MYOF: variants seen among roughly 807,000 people sequenced by gnomAD.
The protein encoded by MYOF is myoferlin.
Under a neutral mutation model 284.2 loss-of-function variants are expected in MYOF, and 244 were observed. The ratio of observed to expected loss-of-function variants is 0.86; its 90% CI spans 0.77 to 0.95. The LOEUF is 0.95. MYOF is among the 40% of genes least tolerant of loss of function. The probability of loss-of-function intolerance (pLI) is 0.00; values close to 1 mark genes in which losing one functional copy is unlikely to be tolerated. For synonymous variants in MYOF, 904 were observed against 919.7 expected (o/e 0.98, Z 0.31); for missense variants, 2,496 against 2,560.6 (o/e 0.97, Z 0.54).
chr10:93,428,741 T>C (rs967865010), intron 4 of MYOF, among the ~76,000 whole-genome samples: 1 of 152,146 alleles, frequency 6.6e-6, no homozygotes, highest in African/African-American at 2.4e-5. Flanking sequence ...TAGCCACAGT[T>C]TCACAGCACA....
chr10:93,321,145 T>G (rs779008055), intron 48 of MYOF, among the ~76,000 whole-genome samples: 91 of 152,286 alleles, frequency 6.0e-4, no homozygotes, highest in African/African-American at 2.1e-3. Flanking sequence ...AAGAGGAAAC[T>G]GAGGTTCAGA....
At chr10:93,335,757 A>C (rs111553706) in intron 41 of MYOF, among the ~76,000 whole-genome samples, 164 bp downstream of exon 41, 2,759 of 148,952 alleles carry the variant, frequency 0.019, 126 homozygotes, top group African/African-American at 0.065. Flanking sequence ...ATGTGCCCCT[A>C]CCTAGACCCT....
intron 53 of MYOF, among the ~76,000 whole-genome samples, chr10:93,308,909 G>A (rs1160188200): frequency 3.3e-5 from 5 of 152,132 alleles, no homozygotes; most frequent in Middle Eastern, 6.8e-3. Context: ...ACGGGGTTTC[G>A]CTATGTTGGC....
At chr10:93,361,169 G>A (rs1322704844) in intron 28 of MYOF, among the ~76,000 whole-genome samples, 4 of 152,136 alleles carry the variant, frequency 2.6e-5, no homozygotes, top group Non-Finnish European at 4.4e-5. Context: ...CCCCTCTCAC[G>A]TGCAGTTCAC....
At chr10:93,322,579 G>A (rs113459445) in intron 48 of MYOF, among the ~76,000 whole-genome samples, 241 of 152,334 alleles carry the variant, frequency 1.6e-3, no homozygotes, top group African/African-American at 5.5e-3. Flanking sequence ...CACTTGACAT[G>A]TTGGATGCTG....
Position 93,456,951 on chromosome 10 carries a change from AAAGG to A in MYOF, c.89-18_89-15del, listed in dbSNP as rs1470283185. Reference sequence around the variant, plus strand: ...TCTTTTTCTCATCTGCAAAAGAGATAAAGGAAGAGACAGCAATCATTTATAAAAA... The same window carrying A: ...TCTTTTTCTCATCTGCAAAAGAGATAAAGAGACAGCAATCATTTATAAAAA... On this transcript the variant is annotated splice_polypyrimidine_tract_variant and intron_variant, in intron 1 of 53. Transcript: ENST00000359263. 1.9e-6 allele frequency: 3 copies of A among 1,586,166 alleles called. No individual in the cohort carries two copies. The highest frequency in any genetic ancestry group is 2.6e-6 in the Non-Finnish European group (3 of 1,164,374).
chr10:93,475,797 G>A (rs989764560), intron 1 of MYOF, among the ~76,000 whole-genome samples: 3 of 152,202 alleles, frequency 2.0e-5, no homozygotes, highest in African/African-American at 7.2e-5. Flanking sequence ...CCTAAGCTGA[G>A]GGCACGCAGG....
chr10:93,379,350 TCCTA>T (rs1487823454), intron 21 of MYOF, among the ~76,000 whole-genome samples: 1 of 152,114 alleles, frequency 6.6e-6, no homozygotes, highest in Non-Finnish European at 1.5e-5. Context: ...TCCACCCCAC[TCCTA>T]CCTTTTTAAT....
chr10:93,373,791 C>A (rs751842088), intron 23 of MYOF, among the ~76,000 whole-genome samples: 2 of 152,182 alleles, frequency 1.3e-5, no homozygotes, highest in Non-Finnish European at 2.9e-5. Flanking sequence ...TTCTAGTCCA[C>A]CGAAGTTAGT....
In MYOF at chr10:93,401,495, A is replaced by G. The variant is rs1847290887; in HGVS notation, c.1040T>C (p.Leu347Ser). The change falls in exon 12 of 54, where the codon TTG (leucine) becomes TCG (serine). Residue 347 changes from leucine (L) to serine (S), a missense_variant. Leu to Ser is a moderately radical substitution (Grantham distance 145). This residue lies in a region of MYOF where 2,436 missense variants were observed against 2,480.7 expected (regional missense o/e 0.98). Transcript: ENST00000359263. The part of the protein sequence containing the change: ...DNDSDDVESN[L>S]LLPAGIALRW... ...GAGGGCAATGCCAGCAGGGAGTAAC[A>G]AATTACTCTCCACATCATCACTGTC... 6.2e-7 allele frequency: 1 copy of G among 1,614,128 alleles called. No homozygotes were observed. The highest frequency in any genetic ancestry group is 1.3e-5 in the African/African-American group (1 of 75,052).
rs145052272 is a variant in MYOF, at chr10:93,349,584, C to T, written c.4083+224G>A. On this transcript the variant is annotated intron_variant, in intron 36 of 53. Coordinates refer to ENST00000359263, the MANE Select transcript of MYOF (RefSeq NM_013451.4). ...TTACTGGAGAAATAAGTAAGTATTG[C>T]TCACAGATATTTCTGTGCCACTGGA... Among the ~76,000 whole-genome samples the T allele has an allele frequency of 8.2e-4, 125 of 152,306 alleles. 1 individual carries two copies. In the East Asian group the frequency reaches 0.022, roughly 26 times the overall value.
intron 5 of MYOF, among the ~76,000 whole-genome samples, chr10:93,415,015 A>T (rs934772200): frequency 1.1e-4 from 17 of 152,020 alleles, no homozygotes; most frequent in African/African-American, 4.1e-4. Context: ...AAGTGCTGGG[A>T]TTATAAGCGT....
intron 3 of MYOF, among the ~76,000 whole-genome samples, chr10:93,446,387 A>T (rs1292800342): frequency 2.6e-5 from 4 of 152,208 alleles, no homozygotes; most frequent in African/African-American, 9.7e-5. Flanking sequence ...CGGGAAATTA[A>T]CTATTAGCAG....
chr10:93,469,981 C>A (rs189536728), intron 1 of MYOF, among the ~76,000 whole-genome samples: 3 of 152,198 alleles, frequency 2.0e-5, no homozygotes, highest in African/African-American at 7.2e-5. Context: ...GTAATCCCAG[C>A]ACTTTGGGAG....
In MYOF at chr10:93,379,845, A is replaced by G; in HGVS notation, c.2001+18T>C. The G allele has an allele frequency of 1.9e-6, 3 of 1,612,830 alleles. No individual in the cohort carries two copies. The highest frequency in any genetic ancestry group is 2.5e-6 in the Non-Finnish European group (3 of 1,179,030). On this transcript the variant is annotated intron_variant, in intron 21 of 53. Transcript: ENST00000359263. ...ACCCTGCTTGGTGAAAAGGAAATGC[A>G]GAAAAAGAGAAACTTACCAGCCGTT...
At chr10:93,466,973 A>G (rs7923793) in intron 1 of MYOF, among the ~76,000 whole-genome samples, 137,939 of 151,994 alleles carry the variant, frequency 0.91, 62,797 homozygotes, top group East Asian at 1. Context: ...GCAAGACCCT[A>G]TCTCAAACAA....
chr10:93,409,043 A>T (rs1270874730), intron 6 of MYOF, 128 bp from the exon 7 acceptor site: 5 of 1,408,538 alleles, frequency 3.5e-6, no homozygotes, highest in Non-Finnish European at 4.8e-6. Flanking sequence ...GCTTTGTGCT[A>T]TACCAGGTGC....
intron 24 of MYOF, among the ~76,000 whole-genome samples, chr10:93,370,447 G>A (rs1845536846): frequency 6.6e-6 from 1 of 151,094 alleles, no homozygotes; most frequent in African/African-American, 2.4e-5. Flanking sequence ...GAGTAGCTGG[G>A]ATCACAGATG....
At chr10:93,347,316 G>A (rs929008651) in intron 37 of MYOF, among the ~76,000 whole-genome samples, 6 of 151,444 alleles carry the variant, frequency 4.0e-5, no homozygotes, top group African/African-American at 1.5e-4. Context: ...ACTTTGGGAG[G>A]CCGAGGCGGG....
Sources: gnomAD v4.1 joint callset for allele counts (sites outside exome capture counted in the v4.1 genomes callset) on GRCh38, gnomAD v4.1.1 for gene constraint, gnomAD v4.1.1 regional missense constraint, MANE v1.5 for transcripts, NCBI Gene and HGNC (gene_info 2026-07-23, HGNC 2026-07-21) for gene names.